The following EBF3 variants were observed in gnomAD, a reference collection of about 807,000 sequenced individuals.
EBF3 encodes the protein EBF transcription factor 3.
A neutral mutation model predicts 77.1 loss-of-function variants in EBF3; 18 were observed. That is an observed-to-expected ratio of 0.23 (90% CI 0.16 to 0.35). The LOEUF (loss-of-function observed/expected upper bound fraction) is 0.35. Among genes scored for constraint, EBF3 ranks in the 10% least tolerant of loss-of-function variants. The pLI, the probability that EBF3 is intolerant of heterozygous loss-of-function variation, is 1.00. For synonymous variants in EBF3, 350 were observed against 343.5 expected (o/e 1.02, Z -0.21); for missense variants, 558 against 860.0 (o/e 0.65, Z 4.39).
In EBF3 at chr10:129,885,873, T is replaced by C. The variant is rs72837154; in HGVS notation, c.555-8024A>G. Among the ~76,000 whole-genome samples the C allele has an allele frequency of 8.9e-3, 1,349 of 152,298 alleles. 12 individuals are homozygous for C. Among genetic ancestry groups the C allele is most frequent in the Middle Eastern group, 0.034 (10 of 294 alleles). On this transcript the variant is annotated intron_variant, in intron 6 of 16. Transcript: ENST00000440978. This position sits in a 1 kb window ranked among gnomAD's most constrained non-coding sequence, Gnocchi z 4.0. ...TTATGCAGAGATTAAGTGCCTATGC[T>C]TATCCCAACTTAGGGTTTCAAGCCT...
chr10:129,931,906 T>C (rs1160292772), intron 6 of EBF3, among the ~76,000 whole-genome samples: 1 of 152,026 alleles, frequency 6.6e-6, no homozygotes, highest in African/African-American at 2.4e-5. Context: ...CCCAAATGTC[T>C]CCATACACAC....
At chr10:129,855,126 AG>A (rs1851163316) in intron 10 of EBF3, among the ~76,000 whole-genome samples, 1 of 152,240 alleles carries the variant, frequency 6.6e-6, no homozygotes, top group Non-Finnish European at 1.5e-5. Flanking sequence ...CGCTCACTGC[AG>A]GGTATTTCTG....
intron 6 of EBF3, among the ~76,000 whole-genome samples, chr10:129,951,338 T>A (rs1288472984): frequency 1.3e-5 from 2 of 152,202 alleles, no homozygotes; most frequent in Non-Finnish European, 2.9e-5. Flanking sequence ...GCTCCTCACC[T>A]GATAAGGCTG....
At position 129,851,449 on chromosome 10, in the gene EBF3, G is replaced by A. The variant is rs1002368720; in HGVS notation, c.1040-2969C>T. 1.2e-4 allele frequency among the ~76,000 whole-genome samples: 18 copies of A among 152,174 alleles called. No individual in the cohort carries two copies. The South Asian group carries it at 1.9e-3, about 16-fold the overall frequency. On this transcript the variant is annotated intron_variant, in intron 10 of 16. Transcript: ENST00000440978. ...TTGTTTAGCAGCATGCTTAGTCTCCGAACACATGTCACTGGGTTAAATTAA... is the reference window on the plus strand; with the variant it reads ...TTGTTTAGCAGCATGCTTAGTCTCCAAACACATGTCACTGGGTTAAATTAA...
chr10:129,899,970 G>C (rs921336654), intron 6 of EBF3, among the ~76,000 whole-genome samples: 1 of 152,192 alleles, frequency 6.6e-6, no homozygotes, highest in East Asian at 1.9e-4. Context: ...TGCTCTTGTC[G>C]TTGCTGCAGA....
chr10:129,893,462 G>A (rs566560333), intron 6 of EBF3, among the ~76,000 whole-genome samples: 16 of 152,230 alleles, frequency 1.1e-4, no homozygotes, highest in African/African-American at 3.1e-4. Context: ...AATTTGAATT[G>A]CAATTAGAAT....
At chr10:129,844,730 C>G (rs188329473) in intron 11 of EBF3, among the ~76,000 whole-genome samples, 4 of 151,796 alleles carry the variant, frequency 2.6e-5, no homozygotes, top group East Asian at 3.9e-4. Context: ...AAATTGGTGC[C>G]GACGCTTGAT....
rs1424149391 is a variant in EBF3 at position 129,963,686 on chromosome 10, C to G, written c.83G>C (p.Arg28Pro). Residue 28 changes from arginine (R) to proline (P), a missense_variant, in exon 1 of 17, where the codon CGC becomes CCC. Physicochemically the swap from Arg to Pro is moderately radical, Grantham distance 103. Around this residue, in one of 5 missense-constraint regions of EBF3, gnomAD observed 64 missense variants for 54.5 expected, o/e 1.18. Coordinates refer to ENST00000440978, the MANE Select transcript of EBF3 (RefSeq NM_001375380.1). This position sits in a 1 kb window ranked among gnomAD's most constrained non-coding sequence, Gnocchi z 7.1. ...CACGCCCGCCGTGTGCATCCACGAG[C>G]GCACCGGGTTCATGCCGCTGCCCAG... ...EPLGSGMNPV[R>P]SWMHTAGVVD... is the part of the protein sequence containing the mutation. The G allele has an allele frequency of 6.6e-7, 1 of 1,524,442 alleles. No individual in the cohort carries two copies. The highest frequency in any genetic ancestry group is 1.4e-5 in the African/African-American group (1 of 69,090). 94.4% of individuals were successfully genotyped at this position (1,524,442 alleles called of 1,614,324 possible).
intron 6 of EBF3, among the ~76,000 whole-genome samples, chr10:129,887,929 T>C (rs1367325424): frequency 1.3e-5 from 2 of 152,064 alleles, no homozygotes; most frequent in Admixed American, 1.3e-4. Context: ...CCCTAAAACG[T>C]CCAGTAGGGA....
chr10:129,925,937 G>A (rs1023381929), intron 6 of EBF3, among the ~76,000 whole-genome samples: 1 of 152,194 alleles, frequency 6.6e-6, no homozygotes, highest in Non-Finnish European at 1.5e-5. Context: ...CTGGGGGCCA[G>A]TGAAGATCTG....
intron 3 of EBF3, 32 bp from the exon 4 acceptor site, chr10:129,962,258 G>A (rs1330661224): frequency 6.2e-7 from 1 of 1,610,690 alleles, no homozygotes; most frequent in Admixed American, 1.7e-5. Flanking sequence ...TTCTCATCAG[G>A]ATTTGAGTGC....
At chr10:129,881,564 A>G (rs1853213207) in intron 6 of EBF3, among the ~76,000 whole-genome samples, 1 of 152,118 alleles carries the variant, frequency 6.6e-6, no homozygotes, top group Non-Finnish European at 1.5e-5. Flanking sequence ...CAGAAGGGGG[A>G]AAGGTGTGAT....
intron 6 of EBF3, among the ~76,000 whole-genome samples, chr10:129,902,757 GT>G (rs1478328144): frequency 6.6e-6 from 1 of 152,172 alleles, no homozygotes; most frequent in Non-Finnish European, 1.5e-5. Flanking sequence ...GAGACCCGGG[GT>G]CAGTAATGCA....
chr10:129,896,886 G>A (rs1047995400), intron 6 of EBF3, among the ~76,000 whole-genome samples: 7 of 152,188 alleles, frequency 4.6e-5, no homozygotes, highest in Admixed American at 6.5e-5. Flanking sequence ...CAAACCGAGA[G>A]AGAAGCCTGC....
intron 6 of EBF3, among the ~76,000 whole-genome samples, chr10:129,953,495 G>A (rs994575496): frequency 1.3e-5 from 2 of 152,076 alleles, no homozygotes; most frequent in Non-Finnish European, 2.9e-5. Context: ...AAGTAGGACA[G>A]ACTTGGAATG....
chr10:129,951,157 T>C (rs900010174), intron 6 of EBF3, among the ~76,000 whole-genome samples: 4 of 152,240 alleles, frequency 2.6e-5, no homozygotes, highest in Admixed American at 2.0e-4. Flanking sequence ...CCTGCTTTCT[T>C]CGGCATCACG....
At chr10:129,881,068 C>T (rs910134736) in intron 6 of EBF3, among the ~76,000 whole-genome samples, 2 of 152,150 alleles carry the variant, frequency 1.3e-5, no homozygotes, top group Admixed American at 1.3e-4. Flanking sequence ...AAATATCTGA[C>T]AACCACTTTA....
chr10:129,891,541 C>T (rs1272426445), intron 6 of EBF3, among the ~76,000 whole-genome samples: 2 of 152,176 alleles, frequency 1.3e-5, no homozygotes, highest in Admixed American at 6.5e-5. Flanking sequence ...TTCACGAAAA[C>T]GACTGTTGTG....
rs1016282804 is a variant in EBF3 at position 129,897,180 on chromosome 10, C to T, written c.555-19331G>A. The stretch of plus-strand genomic sequence containing the variant: ...TGAGCACTGTGGTCACAGACACACT[C>T]GCGGTGTACACGGGCCCTCCACGCA... On this transcript the variant is annotated intron_variant, in intron 6 of 16. Transcript: ENST00000440978. The surrounding 1 kb of genome is among the most constrained non-coding windows in gnomAD (Gnocchi z 4.6). Among the ~76,000 whole-genome samples the T allele has an allele frequency of 6.6e-6, 1 of 152,176 alleles. No homozygotes were observed. Among genetic ancestry groups the T allele is most frequent in the Non-Finnish European group, 1.5e-5 (1 of 68,040 alleles).
Sources: gnomAD v4.1 joint callset for allele counts (sites outside exome capture counted in the v4.1 genomes callset) on GRCh38, gnomAD v4.1.1 for gene constraint, gnomAD v4.1.1 regional missense constraint, Gnocchi (gnomAD v3.1) non-coding constraint, MANE v1.5 for transcripts, NCBI Gene and HGNC (gene_info 2026-07-23, HGNC 2026-07-21) for gene names.